PKIB: variants seen among roughly 807,000 people sequenced by gnomAD.
PKIB encodes the protein PKI-beta.
In PKIB, 2 loss-of-function variants were observed where a neutral mutation model predicts 4.5. That is an observed-to-expected ratio of 0.44 (90% CI 0.18 to 1.39). The LOEUF (loss-of-function observed/expected upper bound fraction) is 1.39, where lower values mean the gene tolerates loss of function less well. Ranked by LOEUF, PKIB falls within the 40% of genes most tolerant of loss-of-function variation. The pLI, the probability that PKIB is intolerant of heterozygous loss-of-function variation, is 0.27. For synonymous variants in PKIB, 38 were observed against 36.0 expected, an observed-to-expected ratio of 1.06 and a Z score of -0.20; for missense variants, 94 against 92.6, an observed-to-expected ratio of 1.02 and a Z score of -0.06.
chr6:122,629,098 C>T lies in PKIB; in HGVS notation c.-160-4185C>T, dbSNP rs114591963. ...AGCTGGGGAAATGAATGGTTCAGTC[C>T]TGAAGGGGGCAGCTGGTGGCACACC... On this transcript the variant is annotated intron_variant, in intron 1 of 4. Coordinates refer to ENST00000368452, the MANE Select transcript of PKIB (RefSeq NM_181795.3). 3.7e-3 allele frequency among the ~76,000 whole-genome samples: 559 copies of T among 152,244 alleles called. 4 individuals carry two copies. The highest frequency in any genetic ancestry group is 0.013 in the African/African-American group (534 of 41,534).
intron 2 of PKIB, among the ~76,000 whole-genome samples, chr6:122,545,704 G>A (rs188178606): frequency 6.7e-6 from 1 of 150,084 alleles, no homozygotes; most frequent in Non-Finnish European, 1.5e-5. Context: ...GATTACCTGG[G>A]TGACAAAATA....
intron 2 of PKIB, among the ~76,000 whole-genome samples, chr6:122,571,635 C>T (rs1712620217): frequency 1.3e-5 from 2 of 152,184 alleles, no homozygotes; most frequent in Admixed American, 1.3e-4. Flanking sequence ...TTGCATTCTG[C>T]AAAACTAAGC....
intron 2 of PKIB, among the ~76,000 whole-genome samples, chr6:122,669,958 T>C (rs545729708): frequency 2.6e-5 from 4 of 151,970 alleles, no homozygotes; most frequent in African/African-American, 7.3e-5. Context: ...TTCTATCTTA[T>C]GTGCAATCCA....
chr6:122,565,817 T>C (rs1046521968), intron 2 of PKIB, among the ~76,000 whole-genome samples: 4 of 152,226 alleles, frequency 2.6e-5, no homozygotes, highest in Non-Finnish European at 5.9e-5. Context: ...GAAAAAGGTA[T>C]GAATTGGTTC....
At chr6:122,576,708 A>C (rs1417398323) in intron 2 of PKIB, among the ~76,000 whole-genome samples, 14 of 113,928 alleles carry the variant, frequency 1.2e-4, no homozygotes, top group African/African-American at 5.1e-4. Flanking sequence ...ATATATATAT[A>C]TATTTTCTTT....
intron 3 of PKIB, among the ~76,000 whole-genome samples, chr6:122,703,848 T>C (rs537048758): frequency 4.7e-4 from 71 of 149,822 alleles, no homozygotes; most frequent in Non-Finnish European, 8.7e-4. Flanking sequence ...TATATGTATA[T>C]ATATGTAAAA....
At chr6:122,696,313 G>A (rs1778567394) in intron 3 of PKIB, among the ~76,000 whole-genome samples, 1 of 152,184 alleles carries the variant, frequency 6.6e-6, no homozygotes, top group African/African-American at 2.4e-5. Context: ...ATGAGTCATT[G>A]ACTAGCTAGT....
At chr6:122,634,196 C>T (rs192561408) in intron 2 of PKIB, among the ~76,000 whole-genome samples, 1 of 151,764 alleles carries the variant, frequency 6.6e-6, no homozygotes, top group Non-Finnish European at 1.5e-5. Context: ...CATCACACAC[C>T]GGGGCCTGTC....
chr6:122,658,232 C>T (rs983581974), intron 2 of PKIB, among the ~76,000 whole-genome samples: 17 of 151,994 alleles, frequency 1.1e-4, no homozygotes, highest in Non-Finnish European at 2.9e-5. Context: ...TAGTTTGGGC[C>T]AAGTCATGTA....
intron 2 of PKIB, among the ~76,000 whole-genome samples, chr6:122,515,187 A>G (rs200043677): frequency 6.6e-6 from 1 of 152,192 alleles, no homozygotes; most frequent in African/African-American, 2.4e-5. Context: ...TTTCTGAACT[A>G]TAATTTCATG....
At chr6:122,486,069 C>T (rs2114527274) in intron 2 of PKIB, among the ~76,000 whole-genome samples, 1 of 152,286 alleles carries the variant, frequency 6.6e-6, no homozygotes, top group East Asian at 1.9e-4. Flanking sequence ...GTAACCTCCA[C>T]ATTACCCCCC....
intron 2 of PKIB, among the ~76,000 whole-genome samples, chr6:122,518,563 G>A (rs1403561390): frequency 2.0e-5 from 3 of 152,010 alleles, no homozygotes; most frequent in Non-Finnish European, 4.4e-5. Flanking sequence ...GTGAGGCAGA[G>A]TGGCAATGGG....
intron 2 of PKIB, among the ~76,000 whole-genome samples, chr6:122,526,113 A>G (rs907302940): frequency 3.9e-5 from 6 of 152,220 alleles, no homozygotes; most frequent in African/African-American, 1.2e-4. Context: ...TTCAAGTTTG[A>G]TAATGAAATT....
intron 3 of PKIB, among the ~76,000 whole-genome samples, chr6:122,708,784 T>A (rs1779158858): frequency 6.6e-6 from 1 of 152,022 alleles, no homozygotes; most frequent in Admixed American, 6.6e-5. Flanking sequence ...CAGGCATGCG[T>A]CACCACGCCT....
At chr6:122,544,844 C>T (rs1030847725) in intron 2 of PKIB, among the ~76,000 whole-genome samples, 1 of 150,296 alleles carries the variant, frequency 6.7e-6, no homozygotes, top group Admixed American at 6.6e-5. Context: ...TGAACAGACA[C>T]TTCTTAAAAG....
intron 2 of PKIB, among the ~76,000 whole-genome samples, chr6:122,568,196 A>C (rs1179272282): frequency 6.6e-6 from 1 of 152,198 alleles, no homozygotes. Context: ...ATTTAATTTA[A>C]AGTAAAAAAA....
At chr6:122,715,518 G>A (rs1779451787) in intron 3 of PKIB, among the ~76,000 whole-genome samples, 1 of 151,604 alleles carries the variant, frequency 6.6e-6, no homozygotes, top group Admixed American at 6.6e-5. Context: ...ACCATGGGAG[G>A]GCTCACAAGA....
intron 1 of PKIB, among the ~76,000 whole-genome samples, chr6:122,631,807 G>A (rs553235085): frequency 6.6e-6 from 1 of 152,294 alleles, no homozygotes; most frequent in East Asian, 1.9e-4. Flanking sequence ...CAGTGCATTT[G>A]TAAGCTATGT....
intron 2 of PKIB, among the ~76,000 whole-genome samples, chr6:122,580,369 A>G (rs1279521215): frequency 6.6e-6 from 1 of 152,174 alleles, no homozygotes; most frequent in Non-Finnish European, 1.5e-5. Context: ...TTGGCATCTA[A>G]TGATGTTATT....
Sources: allele counts gnomAD v4.1 joint callset (sites outside exome capture counted in the v4.1 genomes callset), GRCh38; gene constraint gnomAD v4.1.1; transcripts MANE v1.5; gene names NCBI Gene and HGNC (gene_info 2026-07-23, HGNC 2026-07-21).